NRG3: variants seen among roughly 807,000 people sequenced by gnomAD.
The protein encoded by NRG3 is neuregulin 3.
A neutral mutation model predicts 66.9 loss-of-function variants in NRG3; 31 were observed. The ratio of observed to expected loss-of-function variants is 0.46; its 90% CI spans 0.35 to 0.63. The LOEUF (loss-of-function observed/expected upper bound fraction) is 0.63, where lower values mean the gene tolerates loss of function less well. Ranked by LOEUF, NRG3 falls within the 20% of genes least tolerant of loss-of-function variation. The pLI, the probability that NRG3 is intolerant of heterozygous loss-of-function variation, is 0.00. For missense variants in NRG3, 910 were observed against 878.9 expected (o/e 1.04, Z -0.45); for synonymous variants, 393 against 359.4 (o/e 1.09, Z -1.06).
intron 2 of NRG3, among the ~76,000 whole-genome samples, chr10:82,548,828 GTATC>G (rs2044113423): frequency 6.6e-6 from 1 of 152,138 alleles, no homozygotes; most frequent in Non-Finnish European, 1.5e-5. Context: ...CAGAAAAGAG[GTATC>G]TAAGAAGCAA....
chr10:82,506,255 GAAC>G (rs1305320695), intron 2 of NRG3, among the ~76,000 whole-genome samples: 2 of 152,134 alleles, frequency 1.3e-5, no homozygotes, highest in African/African-American at 4.8e-5. Flanking sequence ...CTCAAACAAA[GAAC>G]AACAACAAAA....
chr10:82,091,173 A>G lies in NRG3; in HGVS notation c.823+215010A>G, dbSNP rs370396635. Among the ~76,000 whole-genome samples the G allele has an allele frequency of 6.6e-5, 10 of 152,274 alleles. No individual in the cohort carries two copies. In the South Asian group the frequency reaches 1.5e-3, roughly 22 times the overall value. ...GATATACATAATATTTTTCAGTGCA[A>G]CCATTCAAACATGTGGCTTATCCAT... is the stretch of plus-strand genomic sequence containing the variant. On this transcript the variant is annotated intron_variant, in intron 1 of 8. Coordinates refer to ENST00000372141, the MANE Select transcript of NRG3 (RefSeq NM_001010848.4).
At chr10:82,832,606 A>G (rs1026430083) in intron 3 of NRG3, among the ~76,000 whole-genome samples, 10 of 152,186 alleles carry the variant, frequency 6.6e-5, no homozygotes, top group Admixed American at 6.5e-4. Flanking sequence ...ATAACATTGC[A>G]TTGTTATTTA....
chr10:82,616,164 C>T (rs928762642), intron 2 of NRG3, among the ~76,000 whole-genome samples: 13 of 152,082 alleles, frequency 8.5e-5, no homozygotes, highest in African/African-American at 3.1e-4. Context: ...AACTGGAAAC[C>T]GTTTGCACTC....
intron 2 of NRG3, among the ~76,000 whole-genome samples, chr10:82,558,135 A>G (rs616012): frequency 0.49 from 74,548 of 152,054 alleles, 21,483 homozygotes; most frequent in African/African-American, 0.8. Flanking sequence ...AAATTGCAGA[A>G]ACAAGGAAGG....
intron 2 of NRG3, among the ~76,000 whole-genome samples, chr10:82,708,013 T>G (rs897414192): frequency 1.3e-5 from 2 of 152,060 alleles, no homozygotes; most frequent in Non-Finnish European, 2.9e-5. Context: ...CACAGTAGAC[T>G]CTGTCTCAAA....
intron 1 of NRG3, among the ~76,000 whole-genome samples, chr10:82,235,946 T>C (rs1050379240): frequency 6.6e-6 from 1 of 151,932 alleles, no homozygotes; most frequent in African/African-American, 2.4e-5. Flanking sequence ...ATGAACATTA[T>C]TTAGCATGGC....
At chr10:82,735,114 C>T (rs944489420) in intron 2 of NRG3, among the ~76,000 whole-genome samples, 1 of 151,974 alleles carries the variant, frequency 6.6e-6, no homozygotes, top group Non-Finnish European at 1.5e-5. Flanking sequence ...TCCTTTATCT[C>T]AAAGTAGATG....
chr10:82,514,715 A>G (rs1845494771), intron 2 of NRG3, among the ~76,000 whole-genome samples: 1 of 151,972 alleles, frequency 6.6e-6, no homozygotes, highest in South Asian at 2.1e-4. Flanking sequence ...TTTCGTTTCC[A>G]TATGAATTTT....
intron 1 of NRG3, among the ~76,000 whole-genome samples, chr10:81,994,663 T>C (rs2133604695): frequency 6.6e-6 from 1 of 152,218 alleles, no homozygotes; most frequent in Admixed American, 6.5e-5. Context: ...TGCTGGGTGC[T>C]CATTCTTGGT....
chr10:82,216,528 A>ATG (rs200972782), intron 1 of NRG3, among the ~76,000 whole-genome samples: 8 of 141,046 alleles, frequency 5.7e-5, no homozygotes, highest in Non-Finnish European at 3.1e-5. Flanking sequence ...ATGCACATAT[A>ATG]TGTGTGTGTG....
chr10:82,541,540 T>TCAGAA (rs1034657257), intron 2 of NRG3, among the ~76,000 whole-genome samples: 2 of 151,974 alleles, frequency 1.3e-5, no homozygotes, highest in Non-Finnish European at 1.5e-5. Context: ...GCACTGGTAA[T>TCAGAA]CAGAACAGAA....
At chr10:82,303,113 C>G (rs1807810514) in intron 1 of NRG3, among the ~76,000 whole-genome samples, 1 of 152,150 alleles carries the variant, frequency 6.6e-6, no homozygotes, top group Admixed American at 6.5e-5. Context: ...TCACCAAATA[C>G]TTTCAAGGCT....
chr10:82,806,718 C>T (rs781359927), intron 3 of NRG3, among the ~76,000 whole-genome samples: 3 of 152,084 alleles, frequency 2.0e-5, no homozygotes, highest in Non-Finnish European at 4.4e-5. Flanking sequence ...GGAGTGACAA[C>T]CAGATACGTA....
At chr10:82,294,646 G>A (rs2079952649) in intron 1 of NRG3, among the ~76,000 whole-genome samples, 1 of 152,120 alleles carries the variant, frequency 6.6e-6, no homozygotes, top group Non-Finnish European at 1.5e-5. Context: ...TTATATGCCT[G>A]CTTGGCCCTA....
At chr10:82,444,338 G>A (rs1181730624) in intron 2 of NRG3, among the ~76,000 whole-genome samples, 1 of 152,046 alleles carries the variant, frequency 6.6e-6, no homozygotes, top group Non-Finnish European at 1.5e-5. Flanking sequence ...CCTGACCTTA[G>A]GTGATCCACC....
chr10:82,669,792 G>C (rs2053108311), intron 2 of NRG3, among the ~76,000 whole-genome samples: 1 of 152,038 alleles, frequency 6.6e-6, no homozygotes, highest in South Asian at 2.1e-4. Flanking sequence ...GCCGGGCGTG[G>C]TGGTGGGCGC....
chr10:82,917,370 C>T (rs1256426558), intron 4 of NRG3, among the ~76,000 whole-genome samples: 1 of 152,160 alleles, frequency 6.6e-6, no homozygotes, highest in African/African-American at 2.4e-5. Flanking sequence ...AATGAAGTCA[C>T]AGGGATAAAA....
At chr10:82,482,124 A>T (rs545106700) in intron 2 of NRG3, among the ~76,000 whole-genome samples, 49 of 152,324 alleles carry the variant, frequency 3.2e-4, no homozygotes, top group Middle Eastern at 3.4e-3. Context: ...ATTAGGGATT[A>T]TACGTGTAGA....
Sources: allele counts gnomAD v4.1 joint callset (sites outside exome capture counted in the v4.1 genomes callset), GRCh38; gene constraint gnomAD v4.1.1; transcripts MANE v1.5; gene names NCBI Gene and HGNC (gene_info 2026-07-23, HGNC 2026-07-21).